ALCAM: variants seen among roughly 807,000 people sequenced by gnomAD.
ALCAM encodes the protein CD166 antigen.
ALCAM carries 30 observed loss-of-function variants against 70.9 expected under a neutral mutation model. The observed-to-expected ratio is 0.42, with a 90% CI of 0.32 to 0.57. The LOEUF is 0.57. Ranked by LOEUF, ALCAM falls within the 20% of genes least tolerant of loss-of-function variation. The pLI, the probability that ALCAM is intolerant of heterozygous loss-of-function variation, is 0.11. For synonymous variants in ALCAM, 249 were observed against 242.5 expected, an observed-to-expected ratio of 1.03 and a Z score of -0.25; for missense variants, 591 against 695.1, an observed-to-expected ratio of 0.85 and a Z score of 1.68.
chr3:105,388,729 C>T (rs1935721031), intron 1 of ALCAM, among the ~76,000 whole-genome samples: 1 of 151,410 alleles, frequency 6.6e-6, no homozygotes, highest in Non-Finnish European at 1.5e-5. Context: ...GGTTAAGAAA[C>T]CAGATATTTT....
intron 1 of ALCAM, among the ~76,000 whole-genome samples, chr3:105,463,592 G>A (rs761056910): frequency 1.3e-5 from 2 of 151,474 alleles, no homozygotes; most frequent in Admixed American, 1.3e-4. Flanking sequence ...GAGAAAAAGA[G>A]GATTATTCAA....
At chr3:105,497,132 G>A (rs936687924) in intron 1 of ALCAM, among the ~76,000 whole-genome samples, 13 of 152,122 alleles carry the variant, frequency 8.5e-5, no homozygotes, top group East Asian at 3.9e-4. Flanking sequence ...CCCCAAAACC[G>A]TAAGAATGTT....
chr3:105,442,505 G>T (rs1937194122), intron 1 of ALCAM, among the ~76,000 whole-genome samples: 1 of 152,184 alleles, frequency 6.6e-6, no homozygotes, highest in Non-Finnish European at 1.5e-5. Flanking sequence ...AATTCGGCCA[G>T]GCGCGGTGGC....
At chr3:105,388,698 T>C (rs1399416734) in intron 1 of ALCAM, among the ~76,000 whole-genome samples, 1 of 151,648 alleles carries the variant, frequency 6.6e-6, no homozygotes, top group Admixed American at 6.6e-5. Context: ...ATAGAAATAC[T>C]TTTCTAGGAA....
At chr3:105,478,649 T>C (rs1302719767) in intron 1 of ALCAM, among the ~76,000 whole-genome samples, 1 of 152,144 alleles carries the variant, frequency 6.6e-6, no homozygotes, top group Non-Finnish European at 1.5e-5. Context: ...AATTTTTTCA[T>C]GTGTTATAGT....
At chr3:105,503,059 G>A (rs1938967247) in intron 1 of ALCAM, among the ~76,000 whole-genome samples, 1 of 152,208 alleles carries the variant, frequency 6.6e-6, no homozygotes, top group Admixed American at 6.5e-5. Context: ...TATTTCTTTA[G>A]GAGAGTTTAA....
intron 1 of ALCAM, among the ~76,000 whole-genome samples, chr3:105,514,933 AAAAG>A (rs1490729108): frequency 1.3e-5 from 2 of 152,060 alleles, no homozygotes; most frequent in East Asian, 3.9e-4. Context: ...TTAACAAAGA[AAAAG>A]AAACGAGAAA....
chr3:105,565,720 G>A (rs770856604), intron 14 of ALCAM, among the ~76,000 whole-genome samples: 2 of 152,170 alleles, frequency 1.3e-5, no homozygotes, highest in Non-Finnish European at 2.9e-5. Flanking sequence ...TTGACAGGTA[G>A]CCAAGTTACT....
chr3:105,511,784 A>C (rs1939245111), intron 1 of ALCAM, among the ~76,000 whole-genome samples: 1 of 152,036 alleles, frequency 6.6e-6, no homozygotes, highest in Admixed American at 6.6e-5. Flanking sequence ...AACATTTTTC[A>C]GTATGAGGTT....
intron 1 of ALCAM, among the ~76,000 whole-genome samples, chr3:105,417,179 G>A (rs1385088035): frequency 1.3e-5 from 2 of 151,558 alleles, no homozygotes; most frequent in Non-Finnish European, 2.9e-5. Flanking sequence ...CTTCCAGGAA[G>A]GCTCTTATGT....
chr3:105,449,334 G>T (rs1226279843), intron 1 of ALCAM, among the ~76,000 whole-genome samples: 5 of 152,158 alleles, frequency 3.3e-5, no homozygotes, highest in African/African-American at 1.2e-4. Context: ...TATTTAATAA[G>T]TAAGTTATTC....
chr3:105,458,572 C>T (rs1284440152), intron 1 of ALCAM, among the ~76,000 whole-genome samples: 1 of 152,128 alleles, frequency 6.6e-6, no homozygotes, highest in Non-Finnish European at 1.5e-5. Flanking sequence ...CAAAAATTTC[C>T]ATGTGTAGTG....
chr3:105,529,545 G>A (rs1296057062), intron 3 of ALCAM, among the ~76,000 whole-genome samples: 1 of 151,974 alleles, frequency 6.6e-6, no homozygotes, highest in Non-Finnish European at 1.5e-5. Context: ...AAACCTTTAA[G>A]GAGAAAATAA....
At chr3:105,371,053 C>A (rs1440002529) in intron 1 of ALCAM, among the ~76,000 whole-genome samples, 2 of 152,124 alleles carry the variant, frequency 1.3e-5, no homozygotes, top group Admixed American at 1.3e-4. Context: ...TTGTAGAAAT[C>A]CAAAATATCT....
intron 8 of ALCAM, among the ~76,000 whole-genome samples, chr3:105,542,682 T>G (rs1940150564): frequency 6.6e-6 from 1 of 151,854 alleles, no homozygotes; most frequent in Admixed American, 6.6e-5. Context: ...TTCTAACTCT[T>G]TCATTTGACT....
At chr3:105,518,660 T>G (rs1019981014) in intron 1 of ALCAM, among the ~76,000 whole-genome samples, 2 of 152,088 alleles carry the variant, frequency 1.3e-5, no homozygotes, top group African/African-American at 4.8e-5. Flanking sequence ...AAAACAATTT[T>G]AAAATTATAG....
rs143653308 is a variant in ALCAM at position 105,405,879 on chromosome 3, G to A, written c.73+38398G>A. Among the ~76,000 whole-genome samples the A allele has an allele frequency of 5.4e-4, 82 of 152,122 alleles. No homozygotes were observed. The East Asian group carries it at 0.01, about 19-fold the overall frequency. On this transcript the variant is annotated intron_variant, in intron 1 of 15. Coordinates refer to ENST00000306107, the MANE Select transcript of ALCAM (RefSeq NM_001627.4). The stretch of plus-strand genomic sequence containing the variant: ...GAATGATAATAGTGACACTGTTCCC[G>A]GACCAAACTGAGGGTTGGGCTGTTA...
chr3:105,450,162 T>C (rs2152590387), intron 1 of ALCAM, among the ~76,000 whole-genome samples: 1 of 152,262 alleles, frequency 6.6e-6, no homozygotes, highest in African/African-American at 2.4e-5. Context: ...TAGTATAGAG[T>C]AGATTTCAAG....
At chr3:105,444,039 G>A (rs1937240096) in intron 1 of ALCAM, among the ~76,000 whole-genome samples, 1 of 152,008 alleles carries the variant, frequency 6.6e-6, no homozygotes, top group South Asian at 2.1e-4. Flanking sequence ...ATTTCTTAAA[G>A]GGCTCTTTAA....
Sources: allele counts gnomAD v4.1 joint callset (sites outside exome capture counted in the v4.1 genomes callset), GRCh38; gene constraint gnomAD v4.1.1; transcripts MANE v1.5; gene names NCBI Gene and HGNC (gene_info 2026-07-23, HGNC 2026-07-21).